Variants in SLC35A5 observed in about 807,000 individuals in gnomAD.
SLC35A5 encodes the protein UDP-sugar transporter protein SLC35A5.
SLC35A5 carries 28 observed loss-of-function variants against 36.3 expected under a neutral mutation model. The ratio of observed to expected loss-of-function variants is 0.77; its 90% CI spans 0.57 to 1.06. The LOEUF (loss-of-function observed/expected upper bound fraction) is 1.06, where lower values mean the gene tolerates loss of function less well. Among genes scored for constraint, SLC35A5 ranks in the 50% least tolerant of loss-of-function variants. The pLI is 0.00. For missense variants in SLC35A5, 521 were observed against 499.3 expected, an observed-to-expected ratio of 1.04 and a Z score of -0.41; for synonymous variants, 180 against 173.7, an observed-to-expected ratio of 1.04 and a Z score of -0.29.
At chr3:112,569,688 A>G (rs1360891719) in intron 3 of SLC35A5, among the ~76,000 whole-genome samples, 1 of 152,152 alleles carries the variant, frequency 6.6e-6, no homozygotes, top group Non-Finnish European at 1.5e-5. Flanking sequence ...GGGGCAGATT[A>G]TTTTCTCTGA....
rs1266479445 is a variant in SLC35A5 at position 112,569,195 on chromosome 3, C to T, written c.155C>T (p.Thr52Ile). The change falls in exon 3 of 7, where the codon ACT becomes ATT. Residue 52 changes from threonine to isoleucine, a missense_variant. Coordinates refer to ENST00000492406, the MANE Select transcript of SLC35A5 (RefSeq NM_017945.5). ...NEENKYDYLP[T>I]TVNVCSELVK... ...GAAAACAAGTATGATTATCTTCCAA[C>T]TACTGTGAATGTGTGCTCAGAACTG... 3 of 1,613,336 alleles carry T rather than the reference C, an allele frequency of 1.9e-6. No homozygotes were observed. In the African/African-American group the frequency reaches 4.0e-5, roughly 22 times the overall value.
chr3:112,563,304 C>CT (rs1934025901), intron 1 of SLC35A5, 81 bp from the exon 2 acceptor site: 1 of 1,313,870 alleles, frequency 7.6e-7, no homozygotes, highest in Non-Finnish European at 9.9e-7. Context: ...TTAAAAATTC[C>CT]TTTTTTGTCC....
At chr3:112,561,691 G>A, upstream of SLC35A5, 1 of 697,970 alleles carries the variant, frequency 1.4e-6, no homozygotes, top group Non-Finnish European at 2.3e-6. Flanking sequence ...GGCGGGACGA[G>A]GGGGCGGGGC....
intron 6 of SLC35A5, 143 bp downstream of exon 6, chr3:112,581,469 C>G (rs1033985837): frequency 1.2e-6 from 1 of 862,332 alleles, no homozygotes; most frequent in African/African-American, 1.7e-5. Flanking sequence ...ACAAACATTC[C>G]TTTTACTCCT....
In SLC35A5 at chr3:112,581,003, T is replaced by C. The variant is rs1934888453; in HGVS notation, c.886T>C (p.Cys296Arg). 5 of 1,614,038 alleles carry C rather than the reference T, an allele frequency of 3.1e-6. No individual in the cohort carries two copies. Among genetic ancestry groups the C allele is most frequent in the African/African-American group, 1.3e-5 (1 of 74,940 alleles). The change falls in exon 6 of 7, where the codon TGT becomes CGT. Residue 296 changes from cysteine (C) to arginine (R), a missense_variant. Coordinates refer to ENST00000492406, the MANE Select transcript of SLC35A5 (RefSeq NM_017945.5). ...GAGTAACCGTGATCAGATTAAGAAC[T>C]GTGGATTTTTTTATGGCCACAGTGC... ...QRSNRDQIKN[C>R]GFFYGHSAFS...
intron 6 of SLC35A5, 66 bp from the exon 7 acceptor site, chr3:112,582,605 G>A (rs1934977087): frequency 1.4e-5 from 2 of 142,252 alleles, no homozygotes; most frequent in Admixed American, 1.8e-4. Context: ...TGTTAGTAAG[G>A]TTTTCCCTTT....
chr3:112,580,491 A>G, intron 5 of SLC35A5, 55 bp from the exon 6 acceptor site: 1 of 1,506,084 alleles, frequency 6.6e-7, no homozygotes, highest in African/African-American at 1.4e-5. Context: ...TTCAGTAGAA[A>G]CTATTGATAT....
chr3:112,574,093 C>T lies in SLC35A5; in HGVS notation c.428+137C>T, dbSNP rs968029803. 2.0e-4 allele frequency: 129 copies of T among 650,714 alleles called. 7 individuals carry two copies. In the South Asian group the frequency reaches 2.4e-3, roughly 12 times the overall value. 40.3% of individuals were successfully genotyped at this position (650,714 alleles called of 1,614,324 possible). On this transcript the variant is annotated intron_variant, in intron 5 of 6. Coordinates refer to ENST00000492406, the MANE Select transcript of SLC35A5 (RefSeq NM_017945.5). ...CCTAATTGACTTTGTGTACTGGGCA[C>T]GTTTAAGCCATGTAGAAAGCAGCTC...
In SLC35A5 at chr3:112,584,822, TGTG is replaced by T. The variant is rs1399922329; in HGVS notation, c.*2089_*2091del. On this transcript the variant is annotated 3_prime_UTR_variant, in exon 7 of 7. Transcript: ENST00000492406. ...ATCAGTGGTGCCTGGAATAAGAAAA[TGTG>T]GTACATATACACCATGGAATACTTT... 3.9e-5 allele frequency: 6 copies of T among 152,160 alleles called. No homozygotes were observed. The highest frequency in any genetic ancestry group is 7.2e-5 in the African/African-American group (3 of 41,520). The allele number at this position is 152,160 out of a possible 1,614,324, so 9.4% of individuals were successfully genotyped here.
intron 1 of SLC35A5, among the ~76,000 whole-genome samples, chr3:112,562,885 C>T (rs1339124766): frequency 1.3e-5 from 2 of 151,970 alleles, no homozygotes; most frequent in Admixed American, 6.6e-5. Context: ...CATAGTGAAA[C>T]CCCGTCTCTA....
At chr3:112,561,400 G>C, upstream of SLC35A5, 2 of 1,566,646 alleles carry the variant, frequency 1.3e-6, no homozygotes, top group South Asian at 2.2e-5. Flanking sequence ...GCGGCGCCTG[G>C]TCCCTGAAAA....
chr3:112,576,258 G>C (rs1357418845), intron 5 of SLC35A5, among the ~76,000 whole-genome samples: 1 of 151,980 alleles, frequency 6.6e-6, no homozygotes, highest in Non-Finnish European at 1.5e-5. Flanking sequence ...CTCCCCAGTA[G>C]CTGGTGTTAC....
rs907882013 is a variant in SLC35A5, at chr3:112,585,447, A to G, written c.*2711A>G. 5.9e-5 allele frequency: 9 copies of G among 152,162 alleles called. No homozygotes were observed. The highest frequency in any genetic ancestry group is 8.8e-5 in the Non-Finnish European group (6 of 68,048). 9.4% of individuals were successfully genotyped at this position (152,162 alleles called of 1,614,324 possible). A position where few individuals can be genotyped will look rare whatever the true frequency, so the allele number is the denominator to read the frequency against. On this transcript the variant is annotated 3_prime_UTR_variant, in exon 7 of 7. Coordinates refer to ENST00000492406, the MANE Select transcript of SLC35A5 (RefSeq NM_017945.5). ...GTTGACAAAATATGTATTGGGTACA[A>G]TGTTCACTGTTTGAGTGATGGGTCC...
chr3:112,582,626 C>T lies in SLC35A5; in HGVS notation c.1210-45C>T, dbSNP rs769794672. 7.0e-6 allele frequency: 7 copies of T among 999,750 alleles called. 1 individual carries two copies. In the South Asian group the frequency reaches 1.2e-4, roughly 17 times the overall value. The allele number at this position is 999,750 out of a possible 1,614,324, so 61.9% of individuals were successfully genotyped here. A position where few individuals can be genotyped will look rare whatever the true frequency, so the allele number is the denominator to read the frequency against. On this transcript the variant is annotated intron_variant, in intron 6 of 6. Transcript: ENST00000492406. ...TAAGGTTTTCCCTTTAAAAATGCTA[C>T]ATTTCCAGTTTTGTTCTAATTACTG...
At chr3:112,582,401 C>T (rs1263417540) in intron 6 of SLC35A5, among the ~76,000 whole-genome samples, 1 of 152,084 alleles carries the variant, frequency 6.6e-6, no homozygotes, top group Non-Finnish European at 1.5e-5. Flanking sequence ...ATTTCTGTAA[C>T]CTTTAATCAT....
Position 112,563,399 on chromosome 3 carries a change from G to C in SLC35A5, c.-5G>C. 6.7e-7 allele frequency: 1 copy of C among 1,499,196 alleles called. No homozygotes were observed. Among genetic ancestry groups the C allele is most frequent in the African/African-American group, 1.4e-5 (1 of 72,636 alleles). The allele number at this position is 1,499,196 out of a possible 1,614,324, so 92.9% of individuals were successfully genotyped here. On this transcript the variant is annotated 5_prime_UTR_variant, in exon 2 of 7. Transcript: ENST00000492406. ...TTCTCTTTAAGGTAATTAAAAAACA[G>C]TGGAATGGAAAAACAGTGCTGTAGT...
intron 1 of SLC35A5, 97 bp downstream of exon 1, chr3:112,562,370 C>G (rs1031527971): frequency 6.6e-6 from 1 of 152,312 alleles, no homozygotes; most frequent in Non-Finnish European, 1.5e-5. Context: ...GAAGGGTAGT[C>G]CCTGACTGTG....
chr3:112,561,558 G>A (rs761064050), upstream of SLC35A5: 3 of 1,601,844 alleles, frequency 1.9e-6, no homozygotes, highest in East Asian at 2.2e-5. Flanking sequence ...CCGGCCCCGC[G>A]ACGGGATGGA....
upstream of SLC35A5, chr3:112,561,329 C>A: frequency 4.3e-6 from 4 of 931,668 alleles, no homozygotes; most frequent in Non-Finnish European, 6.7e-6. Context: ...GCACACTTCC[C>A]TGTGTCTCGA....
Sources: gnomAD v4.1 joint callset for allele counts (sites outside exome capture counted in the v4.1 genomes callset) on GRCh38, gnomAD v4.1.1 for gene constraint, MANE v1.5 for transcripts, NCBI Gene and HGNC (gene_info 2026-07-23, HGNC 2026-07-21) for gene names.